KCNAB2: variants seen among roughly 807,000 people sequenced by gnomAD.
KCNAB2 encodes potassium voltage-gated channel subfamily A regulatory beta subunit 2, also known as voltage-gated potassium channel subunit beta-2.
KCNAB2 carries 29 observed loss-of-function variants against 63.6 expected under a neutral mutation model. The observed-to-expected ratio is 0.46, with a 90% CI of 0.34 to 0.62. KCNAB2 has a LOEUF of 0.62. KCNAB2 is among the 20% of genes least tolerant of loss of function. The probability of loss-of-function intolerance (pLI) is 0.01; values close to 1 mark genes in which losing one functional copy is unlikely to be tolerated. For synonymous variants in KCNAB2, 222 were observed against 224.2 expected, an observed-to-expected ratio of 0.99 and a Z score of 0.09; for missense variants, 359 against 563.9, an observed-to-expected ratio of 0.64 and a Z score of 3.68.
At position 6,005,924 on chromosome 1, in the gene KCNAB2, C is replaced by G. The variant is rs1195772628; in HGVS notation, c.-53+13136C>G. On this transcript the variant is annotated intron_variant, in intron 1 of 16. Coordinates refer to the KCNAB2 transcript ENST00000341524. ...ACCCCTCAGCTCAGCTCCCACATCC[C>G]CCCACTCCACCCTCACCCCTCAGCT... Among the ~76,000 whole-genome samples, 210 of 127,496 alleles carry G rather than the reference C, an allele frequency of 1.6e-3. 7 individuals carry two copies. The highest frequency in any genetic ancestry group is 6.4e-3 in the African/African-American group (198 of 30,954). The allele number at this position is 127,496 out of a possible 152,430, so 83.6% of individuals were successfully genotyped here.
intron 1 of KCNAB2, among the ~76,000 whole-genome samples, chr1:5,997,059 G>A (rs1223154678): frequency 6.6e-6 from 1 of 152,184 alleles, no homozygotes; most frequent in African/African-American, 2.4e-5. Flanking sequence ...CTGAATGGGT[G>A]AACTGGTGCC....
At chr1:6,097,720 T>A in intron 15 of KCNAB2, 1 of 477,090 alleles carries the variant, frequency 2.1e-6, no homozygotes, top group Non-Finnish European at 3.7e-6. Context: ...AGATGCGGAG[T>A]AAGTCACGCA....
At chr1:6,092,806 A>AT (rs1373601838) in intron 10 of KCNAB2, among the ~76,000 whole-genome samples, 6 of 152,210 alleles carry the variant, frequency 3.9e-5, no homozygotes, top group Non-Finnish European at 8.8e-5. Flanking sequence ...GACAGAGAGG[A>AT]TTCCCAGGAG....
rs1165810507 is a variant in KCNAB2 at position 6,087,077 on chromosome 1, C to CCTCCT, written c.426-388_426-384dup. Among the ~76,000 whole-genome samples the CCTCCT allele has an allele frequency of 6.6e-6, 1 of 152,118 alleles. No individual in the cohort carries two copies. The highest frequency in any genetic ancestry group is 1.9e-4 in the East Asian group (1 of 5,170). On this transcript the variant is annotated intron_variant, in intron 6 of 15. Coordinates refer to ENST00000378083, the MANE Select transcript of KCNAB2 (RefSeq NM_001199862.2). This position sits in a 1 kb window ranked among gnomAD's most constrained non-coding sequence, Gnocchi z 6.4. ...CCCCTGCCCCCTGGCCCACACCCGG[C>CCTCCT]CTCCTCCAGCCTTGGCTCTTGCCAC...
chr1:6,097,243 C>T (rs1395917477), intron 14 of KCNAB2, 26 bp from the exon 15 acceptor site: 1 of 1,521,310 alleles, frequency 6.6e-7, no homozygotes, highest in Non-Finnish European at 8.9e-7. Flanking sequence ...GGTGTTTCTC[C>T]CTCACCTTGG....
chr1:6,086,085 G>A lies in KCNAB2; in HGVS notation c.425+837G>A. 1.0e-6 allele frequency: 1 copy of A among 985,390 alleles called. No homozygotes were observed. The highest frequency in any genetic ancestry group is 1.2e-6 in the Non-Finnish European group (1 of 829,922). The allele number at this position is 985,390 out of a possible 1,614,324, so 61.0% of individuals were successfully genotyped here. ...ACATTTTGAGGCTCCCCAGACCCCT[G>A]GACACAGCTTTATCTCAAGGTGCTG... On this transcript the variant is annotated intron_variant, in intron 6 of 15. Coordinates refer to ENST00000378083, the MANE Select transcript of KCNAB2 (RefSeq NM_001199862.2). The surrounding 1 kb of genome is among the most constrained non-coding windows in gnomAD (Gnocchi z 4.2).
At chr1:6,006,394 A>G (rs111214254) in intron 1 of KCNAB2, among the ~76,000 whole-genome samples, 35 of 384 alleles carry the variant, frequency 0.091, 4 homozygotes, top group Non-Finnish European at 0.1. Flanking sequence ...CAGCTCCCAC[A>G]TCCCCCCACT....
At chr1:6,010,932 C>CCCTG (rs1462209162) in intron 1 of KCNAB2, among the ~76,000 whole-genome samples, 3 of 152,162 alleles carry the variant, frequency 2.0e-5, no homozygotes, top group Non-Finnish European at 1.5e-5. Context: ...AGCAGCCTGC[C>CCCTG]CCAGCTCTTT....
Position 6,097,258 on chromosome 1 carries a change from C to G in KCNAB2, c.1070-11C>G. ...GGTGTTTCTCCCTCACCTTGGGTCT[C>G]GCCGCCACAGCCTGGTGCCTGAGGA... On this transcript the variant is annotated splice_polypyrimidine_tract_variant and intron_variant, in intron 14 of 15. Coordinates refer to ENST00000378083, the MANE Select transcript of KCNAB2 (RefSeq NM_001199862.2). The G allele has an allele frequency of 6.5e-7, 1 of 1,534,698 alleles. No homozygotes were observed. Among genetic ancestry groups the G allele is most frequent in the Non-Finnish European group, 8.8e-7 (1 of 1,136,444 alleles).
chr1:6,090,472 G>GA lies in KCNAB2; in HGVS notation c.600dup (p.Gly201ArgfsTer5). ...CCGCCCGGACCCCAACACCCCGATGGAAGGTAGGTGGTCTGCGGCGGCGCC... is the reference window on the plus strand; with the variant it reads ...CCGCCCGGACCCCAACACCCCGATGGAAAGGTAGGTGGTCTGCGGCGGCGCC... On this transcript the variant is annotated frameshift_variant, in exon 9 of 16. Transcript: ENST00000378083. LOFTEE classifies it high-confidence loss of function. 6.2e-7 allele frequency: 1 copy of GA among 1,613,046 alleles called. No individual in the cohort carries two copies. Among genetic ancestry groups the GA allele is most frequent in the Non-Finnish European group, 8.5e-7 (1 of 1,179,360 alleles).
chr1:6,089,810 G>T (rs1159477962), intron 8 of KCNAB2, among the ~76,000 whole-genome samples: 1 of 152,200 alleles, frequency 6.6e-6, no homozygotes, highest in Non-Finnish European at 1.5e-5. Flanking sequence ...CAATTCTCCT[G>T]CCTCAGCCTC....
chr1:6,019,837 G>A (rs1328712015), intron 1 of KCNAB2, among the ~76,000 whole-genome samples: 1 of 152,224 alleles, frequency 6.6e-6, no homozygotes, highest in Admixed American at 6.5e-5. Context: ...TGTAGATGGG[G>A]TGAGCTATGG....
chr1:6,038,269 A>G (rs752343839), intron 1 of KCNAB2, among the ~76,000 whole-genome samples: 6 of 151,618 alleles, frequency 4.0e-5, no homozygotes, highest in Non-Finnish European at 7.4e-5. Flanking sequence ...TCTTCTCTGC[A>G]TCTTCTGTCC....
upstream of KCNAB2, among the ~76,000 whole-genome samples, chr1:6,043,054 G>A (rs942833414): frequency 6.6e-6 from 1 of 152,138 alleles, no homozygotes; most frequent in African/African-American, 2.4e-5. Flanking sequence ...GCTTGCAAAT[G>A]CTTTCCCTGG....
chr1:6,042,830 G>T, upstream of KCNAB2, among the ~76,000 whole-genome samples: 1 of 27,874 alleles, frequency 3.6e-5, no homozygotes, highest in Non-Finnish European at 6.2e-5. Context: ...CTCTCCCCGC[G>T]CCCCCACTCC....
upstream of KCNAB2, chr1:6,041,521 T>G (rs1317913491): frequency 4.7e-6 from 2 of 423,544 alleles, no homozygotes; most frequent in Non-Finnish European, 8.7e-6. Flanking sequence ...CTGAAGCACA[T>G]TCAATCCAAA....
chr1:6,051,567 C>A lies in KCNAB2; in HGVS notation c.31C>A (p.Arg11=). 6.5e-7 allele frequency: 1 copy of A among 1,533,370 alleles called. No homozygotes were observed. The highest frequency in any genetic ancestry group is 8.7e-7 in the Non-Finnish European group (1 of 1,145,140). The allele number at this position is 1,533,370 out of a possible 1,614,324, so 95.0% of individuals were successfully genotyped here. A position where few individuals can be genotyped will look rare whatever the true frequency, so the allele number is the denominator to read the frequency against. The change falls in exon 2 of 16, where the codon CGG becomes AGG. Residue 11 remains arginine, a synonymous_variant. Transcript: ENST00000378083. ...GTCCATGACGTACAGCGAGAGTCTG[C>A]GGAGCGTGAGCAGCAGGTGCCACTC... is the stretch of plus-strand genomic sequence containing the variant. MLSMTYSESL[R]SVSSRCHSEW...
At chr1:6,015,075 A>G (rs1053089480) in intron 1 of KCNAB2, among the ~76,000 whole-genome samples, 3 of 118,244 alleles carry the variant, frequency 2.5e-5, no homozygotes, top group African/African-American at 9.7e-5. Flanking sequence ...TCTGTCACCC[A>G]GGCTGGAGTG....
chr1:6,085,775 T>C, intron 6 of KCNAB2: 2 of 940,852 alleles, frequency 2.1e-6, no homozygotes, highest in Non-Finnish European at 2.5e-6. Context: ...CGGAGCTCAC[T>C]GTTCCCATCT....
Sources: allele counts gnomAD v4.1 joint callset (sites outside exome capture counted in the v4.1 genomes callset), GRCh38; gene constraint gnomAD v4.1.1; non-coding constraint Gnocchi (gnomAD v3.1); transcripts MANE v1.5; gene names NCBI Gene and HGNC (gene_info 2026-07-23, HGNC 2026-07-21).